FGF14: variants seen among roughly 807,000 people sequenced by gnomAD.
The protein encoded by FGF14 is fibroblast growth factor 14, also known as fibroblast growth factor homologous factor 4.
In FGF14, 5 loss-of-function variants were observed where a neutral mutation model predicts 25.5. The ratio of observed to expected loss-of-function variants is 0.20; its 90% CI spans 0.10 to 0.41. FGF14 has a LOEUF of 0.41. Ranked by LOEUF, FGF14 falls within the 10% of genes least tolerant of loss-of-function variation. The pLI, the probability that FGF14 is intolerant of heterozygous loss-of-function variation, is 1.00. For synonymous variants in FGF14, 138 were observed against 118.3 expected (o/e 1.17, Z -1.08); for missense variants, 222 against 320.1 (o/e 0.69, Z 2.34).
chr13:102,328,130 T>TGA (rs906089132), intron 1 of FGF14, among the ~76,000 whole-genome samples: 2 of 152,170 alleles, frequency 1.3e-5, no homozygotes, highest in African/African-American at 4.8e-5. Flanking sequence ...CCTTCTGGAA[T>TGA]GAAAGGCAGT....
intron 1 of FGF14, among the ~76,000 whole-genome samples, chr13:102,252,866 G>A (rs558149435): frequency 5.9e-5 from 9 of 151,952 alleles, no homozygotes; most frequent in Non-Finnish European, 1.3e-4. Context: ...TCCCTTCCCT[G>A]TGTCCATGTG....
intron 1 of FGF14, among the ~76,000 whole-genome samples, chr13:101,960,961 T>A (rs1219760787): frequency 1.3e-5 from 2 of 152,238 alleles, no homozygotes; most frequent in Non-Finnish European, 2.9e-5. Context: ...TAGCTTTTTT[T>A]CATAGGTTTG....
chr13:102,041,249 T>A (rs1313804773), intron 1 of FGF14, among the ~76,000 whole-genome samples: 1 of 152,116 alleles, frequency 6.6e-6, no homozygotes, highest in Admixed American at 6.6e-5. Flanking sequence ...CATCTCAATA[T>A]ATAAATGATC....
At chr13:101,950,994 A>T (rs555299296) in intron 1 of FGF14, among the ~76,000 whole-genome samples, 137 of 152,262 alleles carry the variant, frequency 9.0e-4, no homozygotes, top group African/African-American at 3.1e-3. Context: ...TTAGTTTAGA[A>T]ATCTCTGTTG....
chr13:102,074,150 A>G (rs1180477280), intron 1 of FGF14, among the ~76,000 whole-genome samples: 1 of 152,140 alleles, frequency 6.6e-6, no homozygotes, highest in Non-Finnish European at 1.5e-5. Flanking sequence ...AGGTGGGACT[A>G]CAAGTGTGCA....
At chr13:102,035,751 G>C (rs748276639) in intron 1 of FGF14, among the ~76,000 whole-genome samples, 1 of 152,108 alleles carries the variant, frequency 6.6e-6, no homozygotes, top group Non-Finnish European at 1.5e-5. Context: ...TGGAGTCAGA[G>C]GATAAATACG....
intron 1 of FGF14, among the ~76,000 whole-genome samples, chr13:102,047,726 GC>G (rs1403306424): frequency 2.0e-5 from 3 of 152,078 alleles, no homozygotes; most frequent in Admixed American, 1.3e-4. Context: ...TATACCTAAT[GC>G]TAAATGACGA....
chr13:102,262,480 C>T lies in FGF14; in HGVS notation c.208+138991G>A, dbSNP rs1373832262. Among the ~76,000 whole-genome samples the T allele has an allele frequency of 2.0e-5, 3 of 151,942 alleles. No individual in the cohort carries two copies. The East Asian group carries it at 5.8e-4, about 29-fold the overall frequency. On this transcript the variant is annotated intron_variant, in intron 1 of 4. Transcript: ENST00000376131. ...ATTCCTATCACTGACACCCTTCTAA[C>T]CTTGTGTTTCTTGGTGGGTAATTGT...
At chr13:101,974,702 TAAAC>T (rs1566519372) in intron 1 of FGF14, among the ~76,000 whole-genome samples, 1 of 152,070 alleles carries the variant, frequency 6.6e-6, no homozygotes. Flanking sequence ...GGCTTTCTGA[TAAAC>T]AAGTTAAAAA....
intron 1 of FGF14, among the ~76,000 whole-genome samples, chr13:102,268,303 T>C (rs1336357258): frequency 6.6e-6 from 1 of 152,084 alleles, no homozygotes; most frequent in Non-Finnish European, 1.5e-5. Flanking sequence ...GAATAATGTG[T>C]AGTTAAAAAA....
At chr13:101,814,249 C>T (rs896087597) in intron 3 of FGF14, among the ~76,000 whole-genome samples, 12 of 152,074 alleles carry the variant, frequency 7.9e-5, no homozygotes, top group African/African-American at 2.4e-4. Context: ...AGGTGATTCA[C>T]GTGCACATTC....
At chr13:102,091,616 C>G (rs1179816449) in intron 1 of FGF14, among the ~76,000 whole-genome samples, 1 of 152,152 alleles carries the variant, frequency 6.6e-6, no homozygotes, top group Non-Finnish European at 1.5e-5. Flanking sequence ...CTTCATGAGT[C>G]TTTCCTCTGA....
At chr13:101,848,856 A>C (rs564796389) in intron 3 of FGF14, among the ~76,000 whole-genome samples, 286 of 152,166 alleles carry the variant, frequency 1.9e-3, no homozygotes, top group African/African-American at 6.7e-3. Context: ...TAAAAAAATA[A>C]AAGTCTGTTT....
intron 1 of FGF14, among the ~76,000 whole-genome samples, chr13:102,289,898 CCTCT>C (rs139307444): frequency 3.3e-5 from 5 of 150,042 alleles, no homozygotes; most frequent in South Asian, 2.1e-4. Context: ...TCTTTCCCTC[CCTCT>C]CTCTCTCTCT....
chr13:101,904,441 G>A (rs887504615), intron 1 of FGF14, among the ~76,000 whole-genome samples: 7 of 152,122 alleles, frequency 4.6e-5, no homozygotes, highest in African/African-American at 1.4e-4. Flanking sequence ...AAAAGAGAAG[G>A]AATAGCAGTG....
intron 1 of FGF14, among the ~76,000 whole-genome samples, chr13:102,036,055 G>C (rs185346324): frequency 1.4e-4 from 21 of 152,256 alleles, no homozygotes; most frequent in African/African-American, 4.8e-4. Context: ...CTGGAGAGGG[G>C]ATGTGGGAGT....
intron 1 of FGF14, among the ~76,000 whole-genome samples, chr13:102,057,836 A>G (rs2042503108): frequency 6.6e-6 from 1 of 152,190 alleles, no homozygotes; most frequent in African/African-American, 2.4e-5. Flanking sequence ...AATTAATAGA[A>G]TATTTTAGAC....
intron 1 of FGF14, among the ~76,000 whole-genome samples, chr13:102,216,994 T>G (rs909040039): frequency 1.3e-5 from 2 of 152,232 alleles, no homozygotes; most frequent in Non-Finnish European, 2.9e-5. Flanking sequence ...GATTTCATTC[T>G]TTCTTATGAC....
intron 1 of FGF14, among the ~76,000 whole-genome samples, chr13:102,163,529 A>T (rs1359584726): frequency 6.6e-6 from 1 of 152,184 alleles, no homozygotes; most frequent in Non-Finnish European, 1.5e-5. Context: ...GAAATGCTCT[A>T]TAACAAGAGT....
Sources: allele counts gnomAD v4.1 joint callset (sites outside exome capture counted in the v4.1 genomes callset), GRCh38; gene constraint gnomAD v4.1.1; transcripts MANE v1.5; gene names NCBI Gene and HGNC (gene_info 2026-07-23, HGNC 2026-07-21).